RASSF3: variants seen among roughly 807,000 people sequenced by gnomAD.
RASSF3 encodes Ras association domain family member 3, also known as ras association domain-containing protein 3.
A neutral mutation model predicts 19.9 loss-of-function variants in RASSF3; 19 were observed. The ratio of observed to expected loss-of-function variants is 0.96; its 90% CI spans 0.67 to 1.40. The LOEUF is 1.40. RASSF3 is among the 40% of genes most tolerant of loss of function. The pLI is 0.00. For synonymous variants in RASSF3, 110 were observed against 104.2 expected (o/e 1.06, Z -0.34); for missense variants, 306 against 289.8 (o/e 1.06, Z -0.41).
chr12:64,597,854 C>G (rs984965207), intron 2 of RASSF3, among the ~76,000 whole-genome samples: 1 of 152,130 alleles, frequency 6.6e-6, no homozygotes, highest in Non-Finnish European at 1.5e-5. Flanking sequence ...ATTCCTCTTA[C>G]GTATCCTTCT....
At chr12:64,520,487 T>A (rs1442148089) in intron 1 of RASSF3, among the ~76,000 whole-genome samples, 1 of 150,416 alleles carries the variant, frequency 6.6e-6, no homozygotes, top group African/African-American at 2.4e-5. Context: ...AGCAAATATA[T>A]ACATATTTGT....
intron 1 of RASSF3, among the ~76,000 whole-genome samples, chr12:64,638,155 A>C (rs114971697): frequency 0.016 from 2,469 of 152,302 alleles, 65 homozygotes; most frequent in African/African-American, 0.056. Context: ...TCTACTGAAG[A>C]ATGCAAGATT....
In RASSF3 at chr12:64,589,277, C is replaced by G. The variant is rs113191792; in HGVS notation, c.294+47572C>G. On this transcript the variant is annotated intron_variant, in intron 2 of 5. Coordinates refer to the RASSF3 transcript ENST00000637125. ...CCAGCCTGGCCAACATGGTGAAACCCCATCTCTACTAAAAATATAAAAATT... is the reference window on the plus strand; with the variant it reads ...CCAGCCTGGCCAACATGGTGAAACCGCATCTCTACTAAAAATATAAAAATT... Among the ~76,000 whole-genome samples, 757 of 152,076 alleles carry G rather than the reference C, an allele frequency of 5.0e-3. 9 individuals carry two copies. The highest frequency in any genetic ancestry group is 0.018 in the African/African-American group (741 of 41,492).
intron 2 of RASSF3, among the ~76,000 whole-genome samples, chr12:64,579,556 T>C (rs910604157): frequency 1.3e-5 from 2 of 152,056 alleles, no homozygotes; most frequent in Non-Finnish European, 2.9e-5. Context: ...TTTCACCATA[T>C]TAGCCAGGAT....
chr12:64,565,413 C>T (rs1869412373), intron 2 of RASSF3, among the ~76,000 whole-genome samples: 1 of 151,816 alleles, frequency 6.6e-6, no homozygotes, highest in South Asian at 2.1e-4. Flanking sequence ...CTCATCTCTA[C>T]TAAAAATACA....
chr12:64,651,941 A>C (rs1278799112), intron 1 of RASSF3, among the ~76,000 whole-genome samples: 2 of 152,204 alleles, frequency 1.3e-5, no homozygotes, highest in African/African-American at 4.8e-5. Context: ...GATAACAGAC[A>C]TGAGCCACCT....
chr12:64,693,273 C>G (rs1277664500), intron 4 of RASSF3, among the ~76,000 whole-genome samples: 2 of 149,886 alleles, frequency 1.3e-5, no homozygotes, highest in Admixed American at 6.7e-5. Flanking sequence ...TGAATCTTTT[C>G]TCTACACCAT....
At chr12:64,641,173 A>G (rs542472398) in intron 1 of RASSF3, among the ~76,000 whole-genome samples, 6 of 150,022 alleles carry the variant, frequency 4.0e-5, no homozygotes, top group South Asian at 2.1e-4. Flanking sequence ...AGGGAGGCAG[A>G]TCCCTTGAGC....
At position 64,636,603 on chromosome 12, in the gene RASSF3, C is replaced by A. The variant is rs113133106; in HGVS notation, c.111+25860C>A. Among the ~76,000 whole-genome samples, 1,142 of 151,968 alleles carry A rather than the reference C, an allele frequency of 7.5e-3. 17 individuals are homozygous for A. Among genetic ancestry groups the A allele is most frequent in the African/African-American group, 0.026 (1,095 of 41,468 alleles). On this transcript the variant is annotated intron_variant, in intron 1 of 4. Transcript: ENST00000542104. The stretch of plus-strand genomic sequence containing the variant: ...TAAAGTAGCCGGGCGCGGTGGCTCA[C>A]GCCTGTAATCCCAGCACTTTGGGAG...
In RASSF3 at chr12:64,694,973, CCT is replaced by C. The variant is rs1868334347; in HGVS notation, c.*66_*67del. The C allele has an allele frequency of 1.9e-6, 3 of 1,561,838 alleles. No individual in the cohort carries two copies. In the East Asian group the frequency reaches 6.8e-5, roughly 35 times the overall value. On this transcript the variant is annotated 3_prime_UTR_variant, in exon 5 of 5. Coordinates refer to ENST00000542104, the MANE Select transcript of RASSF3 (RefSeq NM_178169.4). ...CCGATGTACAAAACAGCAGCAAGTG[CCT>C]CTCTTCTCAGAGGGCTGCTGTCTTG...
upstream of RASSF3, among the ~76,000 whole-genome samples, chr12:64,531,865 A>G (rs1299148821): frequency 2.6e-5 from 4 of 152,200 alleles, no homozygotes; most frequent in African/African-American, 7.2e-5. Context: ...GCCAGCTGAG[A>G]AATAAGAAAT....
In RASSF3 at chr12:64,634,914, A is replaced by G. The variant is rs551045032; in HGVS notation, c.111+24171A>G. The stretch of plus-strand genomic sequence containing the variant: ...AGTTAGTACAAGTTTATTTTGGTGC[A>G]AAAAATTTTTCAAATCCATGCATAG... On this transcript the variant is annotated intron_variant, in intron 1 of 4. Transcript: ENST00000542104. Among the ~76,000 whole-genome samples the G allele has an allele frequency of 4.2e-3, 644 of 151,696 alleles. 6 individuals are homozygous for G. Among genetic ancestry groups the G allele is most frequent in the African/African-American group, 0.015 (624 of 41,420 alleles).
chr12:64,588,411 G>A (rs1026107635), intron 2 of RASSF3, among the ~76,000 whole-genome samples: 8 of 151,834 alleles, frequency 5.3e-5, no homozygotes, highest in Admixed American at 1.3e-4. Context: ...TCTGCTGGGC[G>A]TGGTGGCTCA....
intron 2 of RASSF3, among the ~76,000 whole-genome samples, chr12:64,589,032 G>A (rs1869867581): frequency 6.6e-6 from 1 of 152,088 alleles, no homozygotes; most frequent in Non-Finnish European, 1.5e-5. Context: ...AAAACCTGAA[G>A]GAAACACTGC....
At chr12:64,569,787 G>T (rs929660431) in intron 2 of RASSF3, among the ~76,000 whole-genome samples, 1 of 152,152 alleles carries the variant, frequency 6.6e-6, no homozygotes, top group Admixed American at 6.5e-5. Flanking sequence ...CCAACATGAA[G>T]AAACCTTGTT....
chr12:64,564,173 G>T (rs61931566), intron 2 of RASSF3, among the ~76,000 whole-genome samples: 2,953 of 152,282 alleles, frequency 0.019, 46 homozygotes, highest in Non-Finnish European at 0.028. Flanking sequence ...ACTGTCAGTT[G>T]TAAGTATTGA....
At chr12:64,570,118 TTTGACC>T (rs1869494876) in intron 2 of RASSF3, among the ~76,000 whole-genome samples, 1 of 152,236 alleles carries the variant, frequency 6.6e-6, no homozygotes, top group South Asian at 2.1e-4. Context: ...CTGTTTCAGA[TTTGACC>T]TTGGCTCACT....
chr12:64,682,006 G>A (rs1286840927), intron 1 of RASSF3, among the ~76,000 whole-genome samples: 6 of 152,140 alleles, frequency 3.9e-5, no homozygotes, highest in Non-Finnish European at 5.9e-5. Flanking sequence ...CCCTGTCTCA[G>A]ACAAAACAAA....
At chr12:64,520,553 C>CAT (rs1287781762) in intron 1 of RASSF3, among the ~76,000 whole-genome samples, 33 of 30,460 alleles carry the variant, frequency 1.1e-3, no homozygotes, top group African/African-American at 3.2e-3. Flanking sequence ...CACACATACA[C>CAT]ACATATATAT....
Sources: allele counts gnomAD v4.1 joint callset (sites outside exome capture counted in the v4.1 genomes callset), GRCh38; gene constraint gnomAD v4.1.1; transcripts MANE v1.5; gene names NCBI Gene and HGNC (gene_info 2026-07-23, HGNC 2026-07-21).